Variants in DLGAP2 observed in about 807,000 individuals in gnomAD.
DLGAP2 encodes the protein DLG associated protein 2.
DLGAP2 carries 26 observed loss-of-function variants against 100.3 expected under a neutral mutation model. The ratio of observed to expected loss-of-function variants is 0.26; its 90% CI spans 0.19 to 0.36. DLGAP2 has a LOEUF of 0.36. Ranked by LOEUF, DLGAP2 falls within the 10% of genes least tolerant of loss-of-function variation. The pLI, the probability that DLGAP2 is intolerant of heterozygous loss-of-function variation, is 1.00. For synonymous variants in DLGAP2, 886 were observed against 630.1 expected (o/e 1.41, Z -6.08); for missense variants, 1,858 against 1,453.2 (o/e 1.28, Z -4.53).
chr8:772,355 C>T (rs1464237460), intron 1 of DLGAP2, among the ~76,000 whole-genome samples: 1 of 151,804 alleles, frequency 6.6e-6, no homozygotes, highest in Non-Finnish European at 1.5e-5. Flanking sequence ...CAGAGTCTTG[C>T]TCTGTTGCCG....
intron 3 of DLGAP2, among the ~76,000 whole-genome samples, chr8:1,364,602 C>T (rs183155008): frequency 6.6e-6 from 1 of 152,158 alleles, no homozygotes; most frequent in Admixed American, 6.5e-5. Context: ...CAGGGGCCGG[C>T]GTGCCGCCTC....
intron 4 of DLGAP2, among the ~76,000 whole-genome samples, chr8:1,534,868 G>A (rs1015085160): frequency 1.3e-5 from 2 of 152,206 alleles, no homozygotes; most frequent in South Asian, 2.1e-4. Flanking sequence ...GACTTTGCAC[G>A]ACCCACTCTG....
intron 3 of DLGAP2, among the ~76,000 whole-genome samples, chr8:1,348,519 T>TGTGGAGG (rs1281062513): frequency 6.6e-6 from 1 of 150,746 alleles, no homozygotes; most frequent in Non-Finnish European, 1.5e-5. Flanking sequence ...ATGATAGCTG[T>TGTGGAGG]TTGGAGATTG....
At chr8:848,842 T>C (rs951595164) in intron 1 of DLGAP2, among the ~76,000 whole-genome samples, 1 of 148,530 alleles carries the variant, frequency 6.7e-6, no homozygotes, top group African/African-American at 2.5e-5. Flanking sequence ...TAGGATCTTG[T>C]GATGTGTGTT....
At chr8:1,523,300 G>C (rs1049950071) in intron 4 of DLGAP2, among the ~76,000 whole-genome samples, 1 of 152,232 alleles carries the variant, frequency 6.6e-6, no homozygotes, top group Admixed American at 6.5e-5. Context: ...GGGGATGGAA[G>C]GACCAAGACA....
In DLGAP2 at chr8:1,373,333, C is replaced by T. The variant is rs558693052; in HGVS notation, c.106+114450C>T. ...GCGGCAGCTGACGGGCGGGCCCTTC[C>T]GGAGGCGCCGCGCCTGGACCGTGGC... On this transcript the variant is annotated intron_variant, in intron 3 of 14. Coordinates refer to ENST00000637795, the MANE Select transcript of DLGAP2 (RefSeq NM_001346810.2). Among the ~76,000 whole-genome samples the T allele has an allele frequency of 1.5e-4, 23 of 151,848 alleles. 1 individual carries two copies. The South Asian group carries it at 3.9e-3, about 26-fold the overall frequency.
At chr8:883,168 T>G (rs540153783) in intron 1 of DLGAP2, 2 of 152,620 alleles carry the variant, frequency 1.3e-5, no homozygotes, top group East Asian at 3.9e-4. Flanking sequence ...CTGATTGTGA[T>G]CTCAGTGGAA....
At chr8:1,605,762 C>G (rs998884617) in intron 6 of DLGAP2, among the ~76,000 whole-genome samples, 7 of 152,186 alleles carry the variant, frequency 4.6e-5, no homozygotes, top group Non-Finnish European at 8.8e-5. Context: ...AGCAGCTCCC[C>G]ACTCTGGAAG....
chr8:1,446,004 T>A (rs535710944), intron 3 of DLGAP2, among the ~76,000 whole-genome samples: 1 of 152,124 alleles, frequency 6.6e-6, no homozygotes. Context: ...CTTTGTCAGA[T>A]GAGTAGGTTG....
chr8:1,680,090 C>T (rs913184786), intron 12 of DLGAP2, among the ~76,000 whole-genome samples: 35 of 150,236 alleles, frequency 2.3e-4, no homozygotes, highest in Admixed American at 2.1e-3. Context: ...AGACCAATTA[C>T]ATAATTGCAC....
At chr8:1,418,623 C>T (rs1294599270) in intron 3 of DLGAP2, among the ~76,000 whole-genome samples, 7 of 152,170 alleles carry the variant, frequency 4.6e-5, no homozygotes, top group African/African-American at 7.2e-5. Flanking sequence ...GTTTCCTTCT[C>T]GACACCAAAT....
In DLGAP2 at chr8:1,256,903, G is replaced by A. The variant is rs905513016; in HGVS notation, c.74-1948G>A. On this transcript the variant is annotated intron_variant, in intron 2 of 14. Coordinates refer to ENST00000637795, the MANE Select transcript of DLGAP2 (RefSeq NM_001346810.2). Reference sequence around the variant, plus strand: ...CCCTCCACAGGCCTTGTGAATGGTGGTGGCTGGGATAGAGGTGGCCCCGTG... The same window carrying A: ...CCCTCCACAGGCCTTGTGAATGGTGATGGCTGGGATAGAGGTGGCCCCGTG... 4.6e-5 allele frequency among the ~76,000 whole-genome samples: 7 copies of A among 152,086 alleles called. No homozygotes were observed. In the East Asian group the frequency reaches 5.8e-4, roughly 13 times the overall value.
Position 914,281 on chromosome 8 carries a change from C to G in DLGAP2, c.73+6315C>G, listed in dbSNP as rs971528992. The stretch of plus-strand genomic sequence containing the variant: ...CCCCCGTGACCCGCCTCTAATGACC[C>G]AGCGCCACCTTCCATGGGCTGGGGC... On this transcript the variant is annotated intron_variant, in intron 2 of 14. Coordinates refer to ENST00000637795, the MANE Select transcript of DLGAP2 (RefSeq NM_001346810.2). Among the ~76,000 whole-genome samples, 8 of 152,226 alleles carry G rather than the reference C, an allele frequency of 5.3e-5. 1 individual carries two copies. The highest frequency in any genetic ancestry group is 1.9e-4 in the African/African-American group (8 of 41,468).
chr8:1,459,684 C>CTTTTTTTTTTTT (rs3052056), intron 3 of DLGAP2, among the ~76,000 whole-genome samples: 21 of 120,804 alleles, frequency 1.7e-4, no homozygotes, highest in South Asian at 2.8e-4. Flanking sequence ...CTGTTGTTTT[C>CTTTTTTTTTTTT]TTTTTTTTTT....
At chr8:1,614,019 G>T (rs918511975) in intron 6 of DLGAP2, among the ~76,000 whole-genome samples, 9 of 152,176 alleles carry the variant, frequency 5.9e-5, no homozygotes, top group Non-Finnish European at 1.3e-4. Flanking sequence ...CAGACTCGGC[G>T]GGGTTTTCAG....
chr8:1,701,475 C>G lies in DLGAP2; in HGVS notation c.*69C>G. On this transcript the variant is annotated 3_prime_UTR_variant, in exon 15 of 15. Coordinates refer to ENST00000637795, the MANE Select transcript of DLGAP2 (RefSeq NM_001346810.2). ...GACGCTTGTGCAGCGCGGCGCCGCCCTGGTGGTTTCTGTCTCCTCCTCCCG... is the reference window on the plus strand; with the variant it reads ...GACGCTTGTGCAGCGCGGCGCCGCCGTGGTGGTTTCTGTCTCCTCCTCCCG... The G allele has an allele frequency of 6.9e-7, 1 of 1,451,754 alleles. No individual in the cohort carries two copies. Among genetic ancestry groups the G allele is most frequent in the Non-Finnish European group, 9.2e-7 (1 of 1,082,078 alleles). The allele number at this position is 1,451,754 out of a possible 1,614,324, so 89.9% of individuals were successfully genotyped here.
At chr8:822,633 A>T (rs1041742906) in intron 1 of DLGAP2, among the ~76,000 whole-genome samples, 9 of 152,226 alleles carry the variant, frequency 5.9e-5, no homozygotes, top group Admixed American at 2.0e-4. Flanking sequence ...AACTGTCCCC[A>T]AATACTGCCA....
intron 10 of DLGAP2, among the ~76,000 whole-genome samples, chr8:1,674,719 C>CAAG (rs552645185): frequency 2.3e-4 from 35 of 152,280 alleles, no homozygotes; most frequent in Admixed American, 1.4e-3. Flanking sequence ...AGTTTTCACA[C>CAAG]AAGTACAGAC....
intron 2 of DLGAP2, among the ~76,000 whole-genome samples, chr8:1,061,617 G>A (rs1306491332): frequency 6.6e-6 from 1 of 152,034 alleles, no homozygotes; most frequent in Non-Finnish European, 1.5e-5. Context: ...CAGCAGAAAC[G>A]CCCCAAACTG....
Sources: gnomAD v4.1 joint callset for allele counts (sites outside exome capture counted in the v4.1 genomes callset) on GRCh38, gnomAD v4.1.1 for gene constraint, MANE v1.5 for transcripts, NCBI Gene and HGNC (gene_info 2026-07-23, HGNC 2026-07-21) for gene names.